The following SLC9A9 variants were observed in gnomAD, a reference collection of about 807,000 sequenced individuals.
The protein encoded by SLC9A9 is sodium/hydrogen exchanger 9.
SLC9A9 carries 62 observed loss-of-function variants against 77.8 expected under a neutral mutation model. That is an observed-to-expected ratio of 0.80 (90% CI 0.65 to 0.98). The LOEUF is 0.98. Ranked by LOEUF, SLC9A9 falls within the 50% of genes least tolerant of loss-of-function variation. The probability of loss-of-function intolerance (pLI) is 0.00; values close to 1 mark genes in which losing one functional copy is unlikely to be tolerated. For synonymous variants in SLC9A9, 320 were observed against 283.5 expected (o/e 1.13, Z -1.29); for missense variants, 775 against 774.9 (o/e 1.00, Z 0.00).
chr3:143,288,291 ATATCACAT>A (rs1164293811), intron 14 of SLC9A9, among the ~76,000 whole-genome samples: 2 of 152,082 alleles, frequency 1.3e-5, no homozygotes, highest in African/African-American at 2.4e-5. Context: ...ACCAAAGAAC[ATATCACAT>A]TATAAAATCC....
chr3:143,645,789 A>G (rs912728590), intron 6 of SLC9A9, among the ~76,000 whole-genome samples: 1 of 152,126 alleles, frequency 6.6e-6, no homozygotes, highest in African/African-American at 2.4e-5. Flanking sequence ...CTTTTTAAAT[A>G]ATTGATGACA....
At chr3:143,848,094 CTAAT>C (rs2009867254) in intron 1 of SLC9A9, 50 bp downstream of exon 1, 3 of 1,516,576 alleles carry the variant, frequency 2.0e-6, no homozygotes, top group Admixed American at 1.7e-5. Flanking sequence ...GCACAAGTCT[CTAAT>C]TACGCTCAAG....
chr3:143,508,460 G>A (rs79803693), intron 9 of SLC9A9, among the ~76,000 whole-genome samples: 7,714 of 152,254 alleles, frequency 0.051, 247 homozygotes, highest in Middle Eastern at 0.1. Flanking sequence ...CTTTGTCACT[G>A]CCAGTGCTGC....
intron 11 of SLC9A9, among the ~76,000 whole-genome samples, chr3:143,469,187 A>C (rs1394154134): frequency 6.6e-6 from 1 of 152,156 alleles, no homozygotes; most frequent in African/African-American, 2.4e-5. Flanking sequence ...AACAAAAAAC[A>C]AATACTAGAA....
chr3:143,365,084 T>A (rs2032861510), intron 13 of SLC9A9, among the ~76,000 whole-genome samples: 1 of 152,198 alleles, frequency 6.6e-6, no homozygotes, highest in African/African-American at 2.4e-5. Flanking sequence ...TACCCTGGAA[T>A]AATATGCACT....
chr3:143,317,758 C>A (rs546759117), intron 14 of SLC9A9, among the ~76,000 whole-genome samples: 1 of 151,974 alleles, frequency 6.6e-6, no homozygotes, highest in East Asian at 1.9e-4. Flanking sequence ...GACAGAGTCT[C>A]GCTCTGTCAC....
At chr3:143,510,907 G>T (rs1479037272) in intron 9 of SLC9A9, among the ~76,000 whole-genome samples, 1 of 152,118 alleles carries the variant, frequency 6.6e-6, no homozygotes, top group Non-Finnish European at 1.5e-5. Flanking sequence ...GTGGAGAAAA[G>T]CTTTAACACA....
chr3:143,563,013 A>C (rs2037112533), intron 8 of SLC9A9, among the ~76,000 whole-genome samples: 1 of 152,162 alleles, frequency 6.6e-6, no homozygotes, highest in Non-Finnish European at 1.5e-5. Flanking sequence ...GTGAGATTTC[A>C]GTGGTGGGTA....
chr3:143,292,763 AC>A lies in SLC9A9; in HGVS notation c.1605-23784del, dbSNP rs369435674. On this transcript the variant is annotated intron_variant, in intron 14 of 15. Transcript: ENST00000316549. ...GTGGACACCTCGGAAGAGAGATATG[AC>A]CCTTTAAGGATCTCTTGCAAAATGT... Among the ~76,000 whole-genome samples the A allele has an allele frequency of 1.9e-3, 296 of 152,174 alleles. 1 individual carries two copies. The highest frequency in any genetic ancestry group is 6.8e-3 in the African/African-American group (283 of 41,522).
intron 2 of SLC9A9, among the ~76,000 whole-genome samples, chr3:143,829,252 ACTTCATATT>A: frequency 6.6e-6 from 1 of 152,080 alleles, no homozygotes; most frequent in Admixed American, 6.5e-5. Context: ...TACCCTACAA[ACTTCATATT>A]CTTTTATCCG....
chr3:143,760,408 C>T (rs1412334865), intron 4 of SLC9A9, among the ~76,000 whole-genome samples: 2 of 152,132 alleles, frequency 1.3e-5, no homozygotes, highest in Admixed American at 1.3e-4. Flanking sequence ...GTCAAATTGT[C>T]CCTGTTTGCG....
chr3:143,603,353 C>T (rs2037874056), intron 6 of SLC9A9, among the ~76,000 whole-genome samples: 1 of 152,220 alleles, frequency 6.6e-6, no homozygotes, highest in Non-Finnish European at 1.5e-5. Flanking sequence ...ACGCCCTCTA[C>T]ATTCCTCTCT....
At chr3:143,359,185 C>T (rs1011735308) in intron 14 of SLC9A9, among the ~76,000 whole-genome samples, 1 of 152,172 alleles carries the variant, frequency 6.6e-6, no homozygotes. Context: ...GAAAATATTG[C>T]TTGCTTGCTT....
chr3:143,720,490 GA>G (rs1429425548), intron 4 of SLC9A9, among the ~76,000 whole-genome samples: 1 of 152,184 alleles, frequency 6.6e-6, no homozygotes, highest in Non-Finnish European at 1.5e-5. Flanking sequence ...ACTTGCTGAA[GA>G]AAGAACAAAT....
At chr3:143,529,273 C>T (rs1344386735) in intron 9 of SLC9A9, among the ~76,000 whole-genome samples, 2 of 152,122 alleles carry the variant, frequency 1.3e-5, no homozygotes, top group Non-Finnish European at 2.9e-5. Context: ...ACTTTTAAAA[C>T]GTTTTTATAA....
intron 6 of SLC9A9, among the ~76,000 whole-genome samples, chr3:143,638,997 T>C (rs1304922231): frequency 2.0e-5 from 3 of 152,244 alleles, no homozygotes; most frequent in African/African-American, 7.2e-5. Context: ...GGAAAGTTTT[T>C]TCTTAGAAAA....
chr3:143,309,339 G>A (rs1252275967), intron 14 of SLC9A9, among the ~76,000 whole-genome samples: 2 of 150,062 alleles, frequency 1.3e-5, no homozygotes, highest in African/African-American at 4.9e-5. Context: ...CTTGGCTAAG[G>A]AAACACCACA....
At chr3:143,734,098 G>A (rs898261405) in intron 4 of SLC9A9, among the ~76,000 whole-genome samples, 2 of 152,114 alleles carry the variant, frequency 1.3e-5, no homozygotes, top group African/African-American at 4.8e-5. Flanking sequence ...TCAGGAGGCT[G>A]AGATGGAAGG....
chr3:143,633,468 C>T (rs1260895374), intron 6 of SLC9A9, among the ~76,000 whole-genome samples: 1 of 151,920 alleles, frequency 6.6e-6, no homozygotes, highest in Non-Finnish European at 1.5e-5. Flanking sequence ...TTTTTTCAGG[C>T]CATAAATTTT....
Sources: allele counts gnomAD v4.1 joint callset (sites outside exome capture counted in the v4.1 genomes callset), GRCh38; gene constraint gnomAD v4.1.1; transcripts MANE v1.5; gene names NCBI Gene and HGNC (gene_info 2026-07-23, HGNC 2026-07-21).